PLAT: variants seen among roughly 807,000 people sequenced by gnomAD.
The protein encoded by PLAT is tissue-type plasminogen activator.
PLAT carries 48 observed loss-of-function variants against 74.9 expected under a neutral mutation model. The observed-to-expected ratio is 0.64, with a 90% confidence interval of 0.51 to 0.82. The LOEUF is 0.82. Among genes scored for constraint, PLAT ranks in the 40% least tolerant of loss-of-function variants. PLAT has a pLI of 0.00. For missense variants in PLAT, 673 were observed against 736.2 expected (o/e 0.91, Z 0.99); for synonymous variants, 307 against 294.4 (o/e 1.04, Z -0.44).
At chr8:42,183,744 T>C (rs1246402745) in intron 7 of PLAT, among the ~76,000 whole-genome samples, 1 of 152,064 alleles carries the variant, frequency 6.6e-6, no homozygotes, top group Non-Finnish European at 1.5e-5. Flanking sequence ...TTCAAGATTA[T>C]CTAGATCTGC....
chr8:42,203,262 A>G (rs1405806266), intron 1 of PLAT, among the ~76,000 whole-genome samples: 3 of 152,152 alleles, frequency 2.0e-5, no homozygotes, highest in East Asian at 1.9e-4. Context: ...ATCAATCCTC[A>G]AAAAAACTTC....
intron 1 of PLAT, among the ~76,000 whole-genome samples, chr8:42,194,719 C>T (rs990696249): frequency 5.9e-5 from 9 of 152,326 alleles, no homozygotes; most frequent in South Asian, 2.1e-4. Context: ...GGTTCCTCCA[C>T]GCAGGATGGA....
At position 42,203,992 on chromosome 8, in the gene PLAT, T is replaced by TACACACAC. The variant is rs775189467; in HGVS notation, c.-27+3494_-27+3501dup. Among the ~76,000 whole-genome samples the TACACACAC allele has an allele frequency of 6.6e-4, 73 of 109,812 alleles. 1 individual carries two copies. The highest frequency in any genetic ancestry group is 3.3e-3 in the African/African-American group (63 of 19,314). 72.0% of individuals were successfully genotyped at this position (109,812 alleles called of 152,430 possible). On this transcript the variant is annotated intron_variant, in intron 1 of 13. Coordinates refer to ENST00000220809, the MANE Select transcript of PLAT (RefSeq NM_000930.5). ...AATTATATATATATATATATATATA[T>TACACACAC]ACACACACACACACACACACACACA...
rs1258436712 is a variant in PLAT at position 42,189,707 on chromosome 8, T to G, written c.116-636A>C. 2.0e-5 allele frequency among the ~76,000 whole-genome samples: 3 copies of G among 150,946 alleles called. No individual in the cohort carries two copies. The East Asian group carries it at 6.0e-4, about 30-fold the overall frequency. ...TCCACCTCCTGGGTTCAAGTGATTC[T>G]CCTGCCTCAGCCTCCCGAGTAGCTG... On this transcript the variant is annotated intron_variant, in intron 3 of 13. Coordinates refer to ENST00000220809, the MANE Select transcript of PLAT (RefSeq NM_000930.5).
At chr8:42,178,025 G>T (rs1208008962) in intron 13 of PLAT, among the ~76,000 whole-genome samples, 1 of 152,236 alleles carries the variant, frequency 6.6e-6, no homozygotes, top group East Asian at 1.9e-4. Context: ...AGGCTGGCCT[G>T]TCCTCCCATA....
intron 3 of PLAT, among the ~76,000 whole-genome samples, chr8:42,190,198 T>G (rs565171400): frequency 1.3e-5 from 2 of 152,174 alleles, no homozygotes; most frequent in Non-Finnish European, 2.9e-5. Flanking sequence ...CCTCCTAAAG[T>G]GCTGGAGTTA....
chr8:42,203,819 A>G lies in PLAT; in HGVS notation c.-27+3675T>C, dbSNP rs188205801. On this transcript the variant is annotated intron_variant, in intron 1 of 13. Coordinates refer to ENST00000220809, the MANE Select transcript of PLAT (RefSeq NM_000930.5). The stretch of plus-strand genomic sequence containing the variant: ...GCTTCTACAAAAAAATTTTATAATT[A>G]GCTGGATATGGCAGCATGCCCCTGT... 9.2e-5 allele frequency among the ~76,000 whole-genome samples: 14 copies of G among 152,082 alleles called. No homozygotes were observed. In the East Asian group the frequency reaches 2.7e-3, roughly 29 times the overall value.
intron 8 of PLAT, 21 bp from the exon 9 acceptor site, chr8:42,182,043 A>G: frequency 6.8e-7 from 1 of 1,476,896 alleles, no homozygotes; most frequent in African/African-American, 1.4e-5. Context: ...AGAGAGTTTA[A>G]GGTTTCCTTT....
At chr8:42,194,241 A>AGAGAGAGAGAGAGTGTGTGTGTGTGT (rs1419569830) in intron 1 of PLAT, among the ~76,000 whole-genome samples, 1 of 52,544 alleles carries the variant, frequency 1.9e-5, no homozygotes, top group African/African-American at 6.7e-5. Flanking sequence ...AGAGAGAGAG[A>AGAGAGAGAGAGAGTGTGTGTGTGTGT]GTGTGTGTGT....
chr8:42,188,843 T>C, intron 4 of PLAT, 91 bp downstream of exon 4: 1 of 1,148,686 alleles, frequency 8.7e-7, no homozygotes. Flanking sequence ...CAGATTGGTC[T>C]TGAACTCCCG....
chr8:42,199,155 C>T (rs187274378), intron 1 of PLAT, among the ~76,000 whole-genome samples: 343 of 152,342 alleles, frequency 2.3e-3, no homozygotes, highest in Middle Eastern at 6.8e-3. Flanking sequence ...CAAAAACTAC[C>T]ATCACATAAG....
chr8:42,179,801 G>A (rs1443649613), intron 12 of PLAT, 125 bp downstream of exon 12: 1 of 939,704 alleles, frequency 1.1e-6, no homozygotes. Context: ...CAGGGAGACG[G>A]GACTGGCGTC....
In PLAT at chr8:42,178,976, C is replaced by G. The variant is rs762124946; in HGVS notation, c.1451G>C (p.Arg484Thr). The change falls in exon 13 of 14, where the codon AGA becomes ACA. Residue 484 changes from arginine (R) to threonine (T), a missense_variant. By Grantham distance (71) the Arg-to-Thr change is moderately conservative (BLOSUM62 -1). Transcript: ENST00000220809. ...ACACAGCATGTTGTCGGTGACTGTT[C>G]TGTTAAGTAAATGTTGTGATGTGCA... Reference protein sequence around the residue: ...SRCTSQHLLNRTVTDNMLCAG... With the variant: ...SRCTSQHLLNTTVTDNMLCAG... 7 of 1,613,978 alleles carry G rather than the reference C, an allele frequency of 4.3e-6. No individual in the cohort carries two copies. The highest frequency in any genetic ancestry group is 4.5e-5 in the East Asian group (2 of 44,890).
chr8:42,176,313 A>G (rs1241656525), intron 13 of PLAT, among the ~76,000 whole-genome samples, 162 bp from the exon 14 acceptor site: 3 of 152,226 alleles, frequency 2.0e-5, no homozygotes, highest in African/African-American at 7.2e-5. Context: ...GAAAACAAAA[A>G]TCAATTCCTG....
chr8:42,179,112 C>T (rs1399340013), intron 12 of PLAT, 49 bp from the exon 13 acceptor site: 26 of 1,490,996 alleles, frequency 1.7e-5, no homozygotes, highest in South Asian at 2.4e-5. Flanking sequence ...TATTTATAAA[C>T]GTTTTTGAAA....
chr8:42,206,535 G>A (rs138977817), intron 1 of PLAT: 4 of 152,158 alleles, frequency 2.6e-5, no homozygotes, highest in Admixed American at 6.6e-5. Flanking sequence ...ACACACACAC[G>A]ACATTTTTTC....
intron 3 of PLAT, among the ~76,000 whole-genome samples, chr8:42,191,011 G>T (rs1335402808): frequency 2.6e-5 from 4 of 152,208 alleles, no homozygotes; most frequent in African/African-American, 9.6e-5. Flanking sequence ...GCTGGCGGCT[G>T]TGTGACCCTG....
chr8:42,187,752 G>A (rs958729002), intron 5 of PLAT, among the ~76,000 whole-genome samples, 154 bp downstream of exon 5: 2 of 152,202 alleles, frequency 1.3e-5, no homozygotes, highest in African/African-American at 4.8e-5. Context: ...TGCTTGCTGT[G>A]TGGCACTGTG....
At chr8:42,195,377 A>G (rs1449973526) in intron 1 of PLAT, among the ~76,000 whole-genome samples, 1 of 152,144 alleles carries the variant, frequency 6.6e-6, no homozygotes, top group Non-Finnish European at 1.5e-5. Context: ...CAATGAGAAA[A>G]CACAGCTCAG....
Sources: gnomAD v4.1 joint callset for allele counts (sites outside exome capture counted in the v4.1 genomes callset) on GRCh38, gnomAD v4.1.1 for gene constraint, MANE v1.5 for transcripts, NCBI Gene and HGNC (gene_info 2026-07-23, HGNC 2026-07-21) for gene names.